TRAF7: variants seen among roughly 807,000 people sequenced by gnomAD.
TRAF7 encodes TNF receptor associated factor 7, also known as E3 ubiquitin-protein ligase TRAF7.
A neutral mutation model predicts 89.3 loss-of-function variants in TRAF7; 45 were observed. The ratio of observed to expected loss-of-function variants is 0.50; its 90% CI spans 0.40 to 0.65. The LOEUF (loss-of-function observed/expected upper bound fraction) is 0.65, where lower values mean the gene tolerates loss of function less well. TRAF7 is among the 30% of genes least tolerant of loss of function. TRAF7 has a pLI of 0.00. For synonymous variants in TRAF7, 406 were observed against 369.2 expected (o/e 1.10, Z -1.14); for missense variants, 677 against 918.1 (o/e 0.74, Z 3.39).
rs2093043193 is a variant in TRAF7, at chr16:2,158,138, G to A, written c.-39+2280G>A. Among the ~76,000 whole-genome samples the A allele has an allele frequency of 6.6e-6, 1 of 152,206 alleles. No homozygotes were observed. Among genetic ancestry groups the A allele is most frequent in the Admixed American group, 6.5e-5 (1 of 15,280 alleles). On this transcript the variant is annotated intron_variant, in intron 1 of 20. Coordinates refer to ENST00000326181, the MANE Select transcript of TRAF7 (RefSeq NM_032271.3). This position sits in a 1 kb window ranked among gnomAD's most constrained non-coding sequence, Gnocchi z 4.7. ...CTGGATGGACACCCTGCGGGGTCAGGGAGGGCATGTGGGGAGGGCCGAGAG... is the reference window on the plus strand; with the variant it reads ...CTGGATGGACACCCTGCGGGGTCAGAGAGGGCATGTGGGGAGGGCCGAGAG...
chr16:2,172,124 A>G (rs2093114172), intron 7 of TRAF7, 67 bp from the exon 8 acceptor site: 11 of 1,591,056 alleles, frequency 6.9e-6, no homozygotes, highest in Non-Finnish European at 6.9e-6. Context: ...TTAGAGGCTC[A>G]TGCCCACCCG....
chr16:2,171,614 G>A lies in TRAF7; in HGVS notation c.475+9G>A. ...ATGCGCCTTGAAGTCAGGTAGGTTTGTGCCCCGGCCCAGGCCTGACGCCGA... is the reference window on the plus strand; with the variant it reads ...ATGCGCCTTGAAGTCAGGTAGGTTTATGCCCCGGCCCAGGCCTGACGCCGA... On this transcript the variant is annotated intron_variant, in intron 7 of 20. Coordinates refer to ENST00000326181, the MANE Select transcript of TRAF7 (RefSeq NM_032271.3). 1 of 1,613,238 alleles carries A rather than the reference G, an allele frequency of 6.2e-7. No homozygotes were observed. The highest frequency in any genetic ancestry group is 8.5e-7 in the Non-Finnish European group (1 of 1,179,892).
At position 2,172,202 on chromosome 16, in the gene TRAF7, G is replaced by A. The variant is rs751318317; in HGVS notation, c.487G>A (p.Val163Met). 1.2e-5 allele frequency: 19 copies of A among 1,612,912 alleles called. No homozygotes were observed. Among genetic ancestry groups the A allele is most frequent in the African/African-American group, 1.3e-5 (1 of 74,934 alleles). The change falls in exon 8 of 21, where the codon GTG becomes ATG. Residue 163 changes from valine (V) to methionine (M), a missense_variant. By Grantham distance (21) the Val-to-Met change is conservative (BLOSUM62 1). Around this residue, in one of 6 missense-constraint regions of TRAF7, gnomAD observed 238 missense variants for 352.6 expected, o/e 0.67. Coordinates refer to ENST00000326181, the MANE Select transcript of TRAF7 (RefSeq NM_032271.3). Reference sequence around the variant, plus strand: ...CCCTCCTCTCCCAGAGAAGTGTCCCGTGGACAACGTCAAACTGACCGTGGT... The same window carrying A: ...CCCTCCTCTCCCAGAGAAGTGTCCCATGGACAACGTCAAACTGACCGTGGT... ...RCALKSEKCP[V>M]DNVKLTVVVN... is the part of the protein sequence containing the mutation.
chr16:2,175,488 C>G lies in TRAF7; in HGVS notation c.1504-12C>G, dbSNP rs1004104181. The G allele has an allele frequency of 6.2e-7, 1 of 1,612,996 alleles. No homozygotes were observed. Among genetic ancestry groups the G allele is most frequent in the Non-Finnish European group, 8.5e-7 (1 of 1,179,632 alleles). On this transcript the variant is annotated splice_polypyrimidine_tract_variant and intron_variant, in intron 16 of 20. Coordinates refer to ENST00000326181, the MANE Select transcript of TRAF7 (RefSeq NM_032271.3). ...TTGCCCGCCCAGCCCACAGTTGCAG[C>G]AATCCCTGCAGGTCTGGGACATCGT...
In TRAF7 at chr16:2,161,516, GC is replaced by G. The variant is rs889526577; in HGVS notation, c.-38-2362del. Among the ~76,000 whole-genome samples, 18 of 152,252 alleles carry G rather than the reference GC, an allele frequency of 1.2e-4. No homozygotes were observed. The highest frequency in any genetic ancestry group is 4.1e-4 in the African/African-American group (17 of 41,544). On this transcript the variant is annotated intron_variant, in intron 1 of 20. Coordinates refer to ENST00000326181, the MANE Select transcript of TRAF7 (RefSeq NM_032271.3). This position sits in a 1 kb window ranked among gnomAD's most constrained non-coding sequence, Gnocchi z 5.2. ...GCCTGCTGGGGTCCTGGCCACCTGG[GC>G]CCCCGGGCAGGCATCACTGGCAGGG... is the stretch of plus-strand genomic sequence containing the variant.
At chr16:2,171,426 C>T in intron 6 of TRAF7, 70 bp downstream of exon 6, 10 of 1,533,082 alleles carry the variant, frequency 6.5e-6, no homozygotes, top group East Asian at 2.5e-5. Flanking sequence ...CTCTCGGGGG[C>T]CGGGGCTGTG....
Position 2,171,284 on chromosome 16 carries a change from G to A in TRAF7, c.369G>A (p.Glu123=). The A allele has an allele frequency of 6.4e-7, 1 of 1,552,658 alleles. No individual in the cohort carries two copies. The highest frequency in any genetic ancestry group is 8.7e-7 in the Non-Finnish European group (1 of 1,149,018). The change falls in exon 6 of 21, where the codon GAG becomes GAA. Residue 123 remains glutamate (E), a synonymous_variant. Coordinates refer to ENST00000326181, the MANE Select transcript of TRAF7 (RefSeq NM_032271.3). ...EEEPEPLVFA[E]QPSVKLCCQL... ...TCCAGGAGCCACTGGTGTTTGCGGA[G>A]CAGCCCTCGGTGAAGCTGTGCTGTC...
chr16:2,167,140 C>G (rs2093089827), intron 3 of TRAF7, among the ~76,000 whole-genome samples: 1 of 152,136 alleles, frequency 6.6e-6, no homozygotes, highest in Non-Finnish European at 1.5e-5. Flanking sequence ...TTCATCTACC[C>G]TTAGAAGCCC....
In TRAF7 at chr16:2,177,779, G is replaced by A. The variant is rs998387852; in HGVS notation, c.*1205G>A. On this transcript the variant is annotated 3_prime_UTR_variant, in exon 21 of 21. Transcript: ENST00000326181. ...CGCAGCCACGCCAGGAGGAGGACAC[G>A]GCCGCCGAGAGCAAGGCACAACCTC... The A allele has an allele frequency of 8.2e-6, 2 of 243,688 alleles. No individual in the cohort carries two copies. The highest frequency in any genetic ancestry group is 5.5e-5 in the Admixed American group (1 of 18,164). The allele number at this position is 243,688 out of a possible 1,614,324, so 15.1% of individuals were successfully genotyped here.
At chr16:2,157,488 C>T (rs1395203558) in intron 1 of TRAF7, among the ~76,000 whole-genome samples, 1 of 152,148 alleles carries the variant, frequency 6.6e-6, no homozygotes, top group Non-Finnish European at 1.5e-5. Flanking sequence ...GATTGAGTGG[C>T]GATTGGTGGG....
In TRAF7 at chr16:2,173,799, C is replaced by G. The variant is rs1478195896; in HGVS notation, c.1098C>G (p.Ser366=). 1.9e-6 allele frequency: 3 copies of G among 1,610,644 alleles called. No individual in the cohort carries two copies. The highest frequency in any genetic ancestry group is 1.7e-6 in the Non-Finnish European group (2 of 1,179,822). Residue 366 remains serine, a synonymous_variant, in exon 12 of 21, where the codon TCC becomes TCG. Transcript: ENST00000326181. ...CCTTGGCCCTGCAGGACGAGCTGTC[C>G]CACATCAACGCGCGGCTGAACATGG... ...RDASMLNDEL[S]HINARLNMGI...
intron 9 of TRAF7, among the ~76,000 whole-genome samples, 161 bp downstream of exon 9, chr16:2,172,760 G>C (rs1316381230): frequency 2.0e-5 from 3 of 152,288 alleles, no homozygotes; most frequent in South Asian, 2.1e-4. Context: ...AAACCCAGAG[G>C]GGGAGCCGAG....
chr16:2,165,176 C>T (rs576161862), intron 2 of TRAF7, among the ~76,000 whole-genome samples: 5 of 138,994 alleles, frequency 3.6e-5, no homozygotes, highest in East Asian at 2.2e-4. Flanking sequence ...CTGGCCTGGT[C>T]GCATGGTTAA....
At position 2,177,401 on chromosome 16, in the gene TRAF7, G is replaced by A. The variant is rs923050277; in HGVS notation, c.*827G>A. 3 of 232,530 alleles carry A rather than the reference G, an allele frequency of 1.3e-5. No homozygotes were observed. Among genetic ancestry groups the A allele is most frequent in the Non-Finnish European group, 2.5e-5 (3 of 117,654 alleles). 14.4% of individuals were successfully genotyped at this position (232,530 alleles called of 1,614,324 possible). Reference sequence around the variant, plus strand: ...CCTCCACCCGCCCCACACCACAATCGCTGGTTTTCGGCATTTTTTAAATTT... The same window carrying A: ...CCTCCACCCGCCCCACACCACAATCACTGGTTTTCGGCATTTTTTAAATTT... On this transcript the variant is annotated 3_prime_UTR_variant, in exon 21 of 21. Coordinates refer to ENST00000326181, the MANE Select transcript of TRAF7 (RefSeq NM_032271.3).
chr16:2,165,780 C>A, intron 2 of TRAF7, 99 bp from the exon 3 acceptor site: 2 of 1,396,804 alleles, frequency 1.4e-6, no homozygotes, highest in Non-Finnish European at 2.0e-6. Context: ...TGCTGCGTGG[C>A]CTGGCCTGGT....
chr16:2,174,602 C>T lies in TRAF7; in HGVS notation c.1346+269C>T, dbSNP rs146259271. On this transcript the variant is annotated intron_variant, in intron 14 of 20. Transcript: ENST00000326181. Reference sequence around the variant, plus strand: ...TGTCCTGGCCCAGGTGCACCTTGCGCAACCAGAAGATAGGGGGGACCTTAG... The same window carrying T: ...TGTCCTGGCCCAGGTGCACCTTGCGTAACCAGAAGATAGGGGGGACCTTAG... Among the ~76,000 whole-genome samples, 1,002 of 152,250 alleles carry T rather than the reference C, an allele frequency of 6.6e-3. 15 individuals carry two copies. The highest frequency in any genetic ancestry group is 0.023 in the African/African-American group (941 of 41,546).
intron 2 of TRAF7, among the ~76,000 whole-genome samples, chr16:2,165,382 G>T (rs1339494544): frequency 7.1e-6 from 1 of 140,348 alleles, no homozygotes; most frequent in Non-Finnish European, 1.5e-5. Flanking sequence ...CGGCCTGGTC[G>T]CATGGTTAAG....
At chr16:2,173,859 T>TGGGCCGC in intron 12 of TRAF7, 23 bp downstream of exon 12, 1 of 1,246,258 alleles carries the variant, frequency 8.0e-7, no homozygotes, top group Non-Finnish European at 1.1e-6. Flanking sequence ...CCGCCGTGGC[T>TGGGCCGC]CCCGCCCACC....
chr16:2,173,262 A>G lies in TRAF7; in HGVS notation c.875A>G (p.Gln292Arg). Residue 292 changes from glutamine (Q) to arginine (R), a missense_variant, in exon 10 of 21, where the codon CAG becomes CGG. Gln to Arg is a conservative substitution (Grantham distance 43). This residue lies in a region of TRAF7 where 238 missense variants were observed against 352.6 expected (regional missense o/e 0.67). Transcript: ENST00000326181. ...CRFEGLKEFL[Q>R]QTDDRFHEMH... ...TTCGAGGGCCTGAAGGAGTTTCTGC[A>G]GCAGACGGATGACCGCTTCCACGAG... is the stretch of plus-strand genomic sequence containing the variant. 1 of 1,613,458 alleles carries G rather than the reference A, an allele frequency of 6.2e-7. No homozygotes were observed. The highest frequency in any genetic ancestry group is 8.5e-7 in the Non-Finnish European group (1 of 1,179,986).
Sources: allele counts gnomAD v4.1 joint callset (sites outside exome capture counted in the v4.1 genomes callset), GRCh38; gene constraint gnomAD v4.1.1; regional missense constraint gnomAD v4.1.1; non-coding constraint Gnocchi (gnomAD v3.1); transcripts MANE v1.5; gene names NCBI Gene and HGNC (gene_info 2026-07-23, HGNC 2026-07-21).